SPRED2: variants seen among roughly 807,000 people sequenced by gnomAD.
The protein encoded by SPRED2 is sprouty related EVH1 domain containing 2.
A neutral mutation model predicts 43.0 loss-of-function variants in SPRED2; 47 were observed. That is an observed-to-expected ratio of 1.09 (90% CI 0.87 to 1.40). The LOEUF (loss-of-function observed/expected upper bound fraction) is 1.40, where lower values mean the gene tolerates loss of function less well. SPRED2 is among the 40% of genes most tolerant of loss of function. The pLI is 0.00. For missense variants in SPRED2, 561 were observed against 586.4 expected (o/e 0.96, Z 0.45); for synonymous variants, 225 against 225.7 (o/e 1.00, Z 0.03).
At chr2:65,431,646 G>A (rs1676697598) in intron 1 of SPRED2, among the ~76,000 whole-genome samples, 1 of 152,158 alleles carries the variant, frequency 6.6e-6, no homozygotes, top group Non-Finnish European at 1.5e-5. Flanking sequence ...TCTAGCCGCC[G>A]AGGATTTCGG....
Position 65,318,727 on chromosome 2 carries a change from C to T in SPRED2, c.439-1844G>A, listed in dbSNP as rs188190577. On this transcript the variant is annotated intron_variant, in intron 4 of 5. Transcript: ENST00000356388. ...TGCTTTGTCACCCAAGCTGGAGTGC[C>T]GTGGCATGAACACAGCTCAAGTGAT... Among the ~76,000 whole-genome samples the T allele has an allele frequency of 1.8e-3, 276 of 151,764 alleles. 1 individual carries two copies. The highest frequency in any genetic ancestry group is 3.5e-3 in the Non-Finnish European group (239 of 67,962).
intron 2 of SPRED2, among the ~76,000 whole-genome samples, chr2:65,342,317 A>G (rs1287770440): frequency 6.9e-6 from 1 of 144,010 alleles, no homozygotes; most frequent in Non-Finnish European, 1.5e-5. Context: ...TATATTATGT[A>G]TGTATATTTT....
At position 65,431,996 on chromosome 2, in the gene SPRED2, T is replaced by A. The variant is rs1252482675; in HGVS notation, c.-9A>T. The A allele has an allele frequency of 6.2e-7, 1 of 1,613,956 alleles. No individual in the cohort carries two copies. Among genetic ancestry groups the A allele is most frequent in the Non-Finnish European group, 8.5e-7 (1 of 1,179,966 alleles). Reference sequence around the variant, plus strand: ...TGTGTTTCTTCGGTCATTTTCTTGTTCACCTAGACGCCTGTCCCGCGGCGG... The same window carrying A: ...TGTGTTTCTTCGGTCATTTTCTTGTACACCTAGACGCCTGTCCCGCGGCGG... On this transcript the variant is annotated 5_prime_UTR_variant, in exon 1 of 6. It removes the in-frame stop codon of an upstream open reading frame in the 5' UTR. Transcript: ENST00000356388.
At chr2:65,411,817 T>C (rs114130962) in intron 1 of SPRED2, among the ~76,000 whole-genome samples, 3,135 of 152,230 alleles carry the variant, frequency 0.021, 119 homozygotes, top group African/African-American at 0.072. Context: ...GAGTACTCCG[T>C]AGTTTAACAT....
intron 1 of SPRED2, among the ~76,000 whole-genome samples, chr2:65,401,057 TC>T (rs1675873626): frequency 6.6e-6 from 1 of 152,126 alleles, no homozygotes; most frequent in Non-Finnish European, 1.5e-5. Flanking sequence ...AACCTCTGCC[TC>T]CCAGGTTCAA....
At chr2:65,395,401 T>C (rs1200848538) in intron 1 of SPRED2, among the ~76,000 whole-genome samples, 1 of 152,110 alleles carries the variant, frequency 6.6e-6, no homozygotes, top group Non-Finnish European at 1.5e-5. Context: ...ACCACGGCAG[T>C]ACCCTACGCA....
In SPRED2 at chr2:65,431,951, A is replaced by G. The variant is rs1195938524; in HGVS notation, c.26+11T>C. 6.2e-7 allele frequency: 1 copy of G among 1,613,434 alleles called. No homozygotes were observed. Among genetic ancestry groups the G allele is most frequent in the South Asian group, 1.1e-5 (1 of 91,056 alleles). On this transcript the variant is annotated intron_variant, in intron 1 of 5. Transcript: ENST00000356388. ...AGGGGCACCCTCGTCCCACCCCGCG[A>G]CCAAACTTACTCGTCTGGGTGTGTT... is the stretch of plus-strand genomic sequence containing the variant.
intron 1 of SPRED2, among the ~76,000 whole-genome samples, chr2:65,409,761 C>T (rs568703350): frequency 1.3e-5 from 2 of 149,066 alleles, no homozygotes; most frequent in South Asian, 4.2e-4. Context: ...TTAGGCTGGG[C>T]ATGGTGGCTC....
At chr2:65,369,260 C>T (rs1247990631) in intron 1 of SPRED2, among the ~76,000 whole-genome samples, 1 of 137,164 alleles carries the variant, frequency 7.3e-6, no homozygotes, top group Non-Finnish European at 1.6e-5. Flanking sequence ...GAGACACATA[C>T]ATACACATAC....
intron 1 of SPRED2, among the ~76,000 whole-genome samples, chr2:65,355,873 T>C (rs1002193040): frequency 6.6e-6 from 1 of 152,196 alleles, no homozygotes; most frequent in Non-Finnish European, 1.5e-5. Flanking sequence ...TTTCTGACTT[T>C]CCCTCTGTTT....
intron 1 of SPRED2, among the ~76,000 whole-genome samples, chr2:65,421,294 G>A (rs1321293163): frequency 3.3e-5 from 5 of 152,192 alleles, no homozygotes; most frequent in Non-Finnish European, 5.9e-5. Context: ...CTTATCAAAT[G>A]AGCCTCTTCA....
At chr2:65,387,119 T>C (rs1675520138) in intron 1 of SPRED2, among the ~76,000 whole-genome samples, 1 of 152,174 alleles carries the variant, frequency 6.6e-6, no homozygotes, top group Non-Finnish European at 1.5e-5. Context: ...ATGGAGTGAA[T>C]TTAAGGCACT....
At chr2:65,415,676 T>TA (rs1676255414) in intron 1 of SPRED2, among the ~76,000 whole-genome samples, 1 of 152,096 alleles carries the variant, frequency 6.6e-6, no homozygotes, top group East Asian at 1.9e-4. Flanking sequence ...CCTTTTAAAA[T>TA]AAAAATAAAA....
chr2:65,392,851 T>C (rs1028347509), intron 1 of SPRED2, among the ~76,000 whole-genome samples: 8 of 151,994 alleles, frequency 5.3e-5, no homozygotes, highest in African/African-American at 1.9e-4. Flanking sequence ...TTCCTAAGGG[T>C]TGTCGGGGAA....
chr2:65,350,350 C>T (rs1674472989), intron 1 of SPRED2, among the ~76,000 whole-genome samples: 1 of 152,128 alleles, frequency 6.6e-6, no homozygotes, highest in Non-Finnish European at 1.5e-5. Context: ...TAAAAGAATG[C>T]TTCTGAAATT....
chr2:65,370,133 G>T (rs188150747), intron 1 of SPRED2, among the ~76,000 whole-genome samples: 5 of 152,268 alleles, frequency 3.3e-5, no homozygotes, highest in Admixed American at 6.5e-5. Flanking sequence ...AAATTTACTT[G>T]TTCCAAATTC....
intron 1 of SPRED2, among the ~76,000 whole-genome samples, chr2:65,431,114 G>A (rs1163588689): frequency 1.3e-5 from 2 of 152,216 alleles, no homozygotes; most frequent in East Asian, 3.9e-4. Flanking sequence ...TCCCGCGCGG[G>A]GCGGCCCAGG....
rs1572824860 is a variant in SPRED2, at chr2:65,312,064, T to C, written c.*1437A>G. On this transcript the variant is annotated 3_prime_UTR_variant, in exon 6 of 6. Transcript: ENST00000356388. Reference sequence around the variant, plus strand: ...GGTTCTGATTGTACTATGCTAGGTATAGGTAACCACTCTTCACTTTTCTTC... The same window carrying C: ...GGTTCTGATTGTACTATGCTAGGTACAGGTAACCACTCTTCACTTTTCTTC... 1.0e-6 allele frequency: 1 copy of C among 985,436 alleles called. No homozygotes were observed. The highest frequency in any genetic ancestry group is 1.2e-6 in the Non-Finnish European group (1 of 829,932). The allele number at this position is 985,436 out of a possible 1,614,324, so 61.0% of individuals were successfully genotyped here.
intron 5 of SPRED2, 45 bp from the exon 6 acceptor site, chr2:65,314,214 AAAC>A: frequency 6.6e-7 from 1 of 1,508,148 alleles, no homozygotes; most frequent in Non-Finnish European, 8.9e-7. Flanking sequence ...AGCGGCCAAA[AAAC>A]AAACAAACAA....
Sources: gnomAD v4.1 joint callset for allele counts (sites outside exome capture counted in the v4.1 genomes callset) on GRCh38, gnomAD v4.1.1 for gene constraint, MANE v1.5 for transcripts, NCBI Gene and HGNC (gene_info 2026-07-23, HGNC 2026-07-21) for gene names.